The following TTR variants were observed in gnomAD, a reference collection of about 807,000 sequenced individuals.
TTR encodes the protein transthyretin.
A neutral mutation model predicts 13.7 loss-of-function variants in TTR; 8 were observed. The observed-to-expected ratio is 0.58, with a 90% CI of 0.34 to 1.05. The LOEUF is 1.05. TTR is among the 50% of genes least tolerant of loss of function. TTR has a pLI of 0.02. For synonymous variants in TTR, 75 were observed against 71.7 expected, an observed-to-expected ratio of 1.05 and a Z score of -0.23; for missense variants, 135 against 185.5, an observed-to-expected ratio of 0.73 and a Z score of 1.58.
chr18:31,593,256 A>C (rs888343094), intron 2 of TTR: 3 of 500,546 alleles, frequency 6.0e-6, no homozygotes, highest in Non-Finnish European at 1.1e-5. Context: ...AAAAGAAGGA[A>C]TCAGAACTCC....
At chr18:31,593,204 G>A in intron 2 of TTR, 178 bp downstream of exon 2, 4 of 802,836 alleles carry the variant, frequency 5.0e-6, no homozygotes, top group Non-Finnish European at 7.6e-6. Context: ...TAGCTAGGAA[G>A]TGACCAGGAA....
In TTR at chr18:31,592,073, C is replaced by A. The variant is rs1052464121; in HGVS notation, c.69+102C>A. On this transcript the variant is annotated intron_variant, in intron 1 of 3. Coordinates refer to ENST00000237014, the MANE Select transcript of TTR (RefSeq NM_000371.4). ...TGCCAACCAGCTTTTATTACTAGGGCAAGGGTACCCAGCATCTATTTTTAA... is the reference window on the plus strand; with the variant it reads ...TGCCAACCAGCTTTTATTACTAGGGAAAGGGTACCCAGCATCTATTTTTAA... 5 of 1,117,498 alleles carry A rather than the reference C, an allele frequency of 4.5e-6. No individual in the cohort carries two copies. In the African/African-American group the frequency reaches 6.1e-5, roughly 14 times the overall value. 69.2% of individuals were successfully genotyped at this position (1,117,498 alleles called of 1,614,324 possible).
In TTR at chr18:31,594,143, C is replaced by CA. The variant is rs58272364; in HGVS notation, c.201-966dup. 7.2e-3 allele frequency among the ~76,000 whole-genome samples: 861 copies of CA among 119,044 alleles called. 13 individuals are homozygous for CA. Among genetic ancestry groups the CA allele is most frequent in the East Asian group, 0.048 (209 of 4,334 alleles). 78.1% of individuals were successfully genotyped at this position (119,044 alleles called of 152,430 possible). ...TGTGAATCTTTTCCTTGCACCAGGA[C>CA]AAAAAAAAAAAGAAGTGAAAAGAAG... On this transcript the variant is annotated intron_variant, in intron 2 of 3. Transcript: ENST00000237014.
At position 31,598,809 on chromosome 18, in the gene TTR, C is replaced by T; in HGVS notation, c.*134C>T. The T allele has an allele frequency of 2.2e-6, 2 of 916,674 alleles. No homozygotes were observed. Among genetic ancestry groups the T allele is most frequent in the South Asian group, 2.8e-5 (2 of 71,262 alleles). 56.8% of individuals were successfully genotyped at this position (916,674 alleles called of 1,614,324 possible). ...GTCCAGGCAGAGACAATAAAACATT[C>T]CTGTGAAAGGCACTTTTCATTCCAC... On this transcript the variant is annotated 3_prime_UTR_variant, in exon 4 of 4. Coordinates refer to ENST00000237014, the MANE Select transcript of TTR (RefSeq NM_000371.4).
intron 2 of TTR, among the ~76,000 whole-genome samples, chr18:31,593,978 T>A (rs2073501802): frequency 6.6e-6 from 1 of 152,226 alleles, no homozygotes; most frequent in African/African-American, 2.4e-5. Context: ...GAAGATCATT[T>A]TCTTAGGTCT....
intron 1 of TTR, 106 bp from the exon 2 acceptor site, chr18:31,592,790 T>G: frequency 7.0e-7 from 1 of 1,437,028 alleles, no homozygotes; most frequent in East Asian, 2.4e-5. Flanking sequence ...GATAATGGGA[T>G]CAGTGTGTAA....
intron 1 of TTR, 56 bp downstream of exon 1, chr18:31,592,027 A>G: frequency 6.3e-7 from 1 of 1,588,834 alleles, no homozygotes. Context: ...TAAATGAAGT[A>G]GAAGTGACTC....
intron 3 of TTR, among the ~76,000 whole-genome samples, chr18:31,597,898 C>T (rs1248657681): frequency 6.6e-6 from 1 of 152,180 alleles, no homozygotes; most frequent in African/African-American, 2.4e-5. Context: ...TTCAAAATTC[C>T]ACCATGATCT....
intron 2 of TTR, chr18:31,593,406 C>T: frequency 3.6e-6 from 1 of 277,506 alleles, no homozygotes; most frequent in Non-Finnish European, 7.0e-6. Flanking sequence ...AGGAGTTTCA[C>T]AGATTCCCTG....
At chr18:31,594,126 T>C (rs2073502813) in intron 2 of TTR, among the ~76,000 whole-genome samples, 1 of 151,974 alleles carries the variant, frequency 6.6e-6, no homozygotes, top group African/African-American at 2.4e-5. Context: ...CTTGTGAATC[T>C]TTTCCTTGCA....
chr18:31,593,018 T>C lies in TTR; in HGVS notation c.192T>C (p.Phe64=). The change falls in exon 2 of 4, where the codon TTT becomes TTC. Residue 64 remains phenylalanine, a synonymous_variant. Transcript: ENST00000237014. ...RKAADDTWEP[F]ASGKTSESGE... ...CTGCTGATGACACCTGGGAGCCATTTGCCTCTGGGTAAGTTGCCAAAGAAC... is the reference window on the plus strand; with the variant it reads ...CTGCTGATGACACCTGGGAGCCATTCGCCTCTGGGTAAGTTGCCAAAGAAC... The C allele has an allele frequency of 6.2e-7, 1 of 1,613,998 alleles. No homozygotes were observed. The highest frequency in any genetic ancestry group is 8.5e-7 in the Non-Finnish European group (1 of 1,179,886).
rs548935944 is a variant in TTR at position 31,592,877 on chromosome 18, G to C, written c.70-19G>C. The C allele has an allele frequency of 5.0e-6, 8 of 1,612,986 alleles. No homozygotes were observed. The East Asian group carries it at 1.3e-4, about 27-fold the overall frequency. ...CTGATCAATTTTGTTAACTTCTCAC[G>C]TGTCTTCTCTACACCCAGGGCACCG... On this transcript the variant is annotated intron_variant, in intron 1 of 3. Transcript: ENST00000237014.
Position 31,595,102 on chromosome 18 carries a change from G to T in TTR, c.201-18G>T. 1 of 1,613,970 alleles carries T rather than the reference G, an allele frequency of 6.2e-7. No homozygotes were observed. Among genetic ancestry groups the T allele is most frequent in the Non-Finnish European group, 8.5e-7 (1 of 1,179,954 alleles). On this transcript the variant is annotated intron_variant, in intron 2 of 3. Coordinates refer to ENST00000237014, the MANE Select transcript of TTR (RefSeq NM_000371.4). ...TTTCCTCCATGCGTAACTTAATCCA[G>T]ACTTTCACACCTTATAGGAAAACCA...
In TTR at chr18:31,592,891, C is replaced by T. The variant is rs757103675; in HGVS notation, c.70-5C>T. 6.2e-7 allele frequency: 1 copy of T among 1,613,808 alleles called. No individual in the cohort carries two copies. Reference sequence around the variant, plus strand: ...TAACTTCTCACGTGTCTTCTCTACACCCAGGGCACCGGTGAATCCAAGTGT... The same window carrying T: ...TAACTTCTCACGTGTCTTCTCTACATCCAGGGCACCGGTGAATCCAAGTGT... On this transcript the variant is annotated splice_region_variant and splice_polypyrimidine_tract_variant and intron_variant, in intron 1 of 3. Coordinates refer to ENST00000237014, the MANE Select transcript of TTR (RefSeq NM_000371.4).
chr18:31,595,024 A>T (rs1000784925), intron 2 of TTR, 96 bp from the exon 3 acceptor site: 2 of 1,331,132 alleles, frequency 1.5e-6, no homozygotes, highest in Non-Finnish European at 2.1e-6. Flanking sequence ...CATGTTTATA[A>T]CATGTTTATG....
rs1555631417 is a variant in TTR, at chr18:31,595,221, C to T, written c.302C>T (p.Ala101Val). ...ATAGACACCAAATCTTACTGGAAGG[C>T]ACTTGGCATCTCCCCATTCCATGAG... The part of the protein sequence containing the change: ...VEIDTKSYWK[A>V]LGISPFHEHA... The change falls in exon 3 of 4, where the codon GCA becomes GTA. Residue 101 changes from alanine (A) to valine (V), a missense_variant. Physicochemically the swap from Ala to Val is moderately conservative, Grantham distance 64. Coordinates refer to ENST00000237014, the MANE Select transcript of TTR (RefSeq NM_000371.4). The T allele has an allele frequency of 6.2e-7, 1 of 1,614,156 alleles. No homozygotes were observed. Among genetic ancestry groups the T allele is most frequent in the Non-Finnish European group, 8.5e-7 (1 of 1,180,030 alleles).
chr18:31,592,000 A>AAGACATCC (rs2073488729), intron 1 of TTR, 29 bp downstream of exon 1: 1 of 1,611,964 alleles, frequency 6.2e-7, no homozygotes, highest in Admixed American at 1.7e-5. Flanking sequence ...TCCCATTCCT[A>AAGACATCC]CATTTAAGAT....
rs145765195 is a variant in TTR, at chr18:31,592,037, C to G, written c.69+66C>G. The G allele has an allele frequency of 3.2e-4, 498 of 1,563,692 alleles. 4 individuals carry two copies. The East Asian group carries it at 8.2e-3, about 26-fold the overall frequency. On this transcript the variant is annotated intron_variant, in intron 1 of 3. Transcript: ENST00000237014. ...CACGCTAAATGAAGTAGAAGTGACT[C>G]CTTCCAGCTTTGCCAACCAGCTTTT...
At chr18:31,595,362 G>A (rs542015380) in intron 3 of TTR, 107 bp downstream of exon 3, 54 of 1,473,778 alleles carry the variant, frequency 3.7e-5, no homozygotes, top group African/African-American at 2.9e-4. Flanking sequence ...CCTAAGGAAG[G>A]TGATGAATGA....
Sources: gnomAD v4.1 joint callset for allele counts (sites outside exome capture counted in the v4.1 genomes callset) on GRCh38, gnomAD v4.1.1 for gene constraint, MANE v1.5 for transcripts, NCBI Gene and HGNC (gene_info 2026-07-23, HGNC 2026-07-21) for gene names.